The following DMD variants were observed in gnomAD, a reference collection of about 807,000 sequenced individuals.
DMD encodes dystrophin, also known as mutant dystrophin.
DMD carries 63 observed loss-of-function variants against 330.1 expected under a neutral mutation model. The ratio of observed to expected loss-of-function variants is 0.19; its 90% CI spans 0.16 to 0.24. DMD has a LOEUF of 0.24. DMD is among the 10% of genes least tolerant of loss of function. The pLI is 1.00. For synonymous variants in DMD, 1,223 were observed against 959.8 expected, an observed-to-expected ratio of 1.27 and a Z score of -5.07; for missense variants, 3,344 against 2,684.1, an observed-to-expected ratio of 1.25 and a Z score of -5.43.
At chrX:31,363,333 G>C (rs1381257869) in intron 60 of DMD, among the ~76,000 whole-genome samples, 2 of 106,160 alleles carry the variant, frequency 1.9e-5, no homozygotes, top group Admixed American at 1.0e-4. Flanking sequence ...ATCAACAAAA[G>C]GTTTCCGTGG....
At chrX:32,330,947 T>C (rs1056946489) in intron 41 of DMD, among the ~76,000 whole-genome samples, 3 of 111,547 alleles carry the variant, frequency 2.7e-5, no homozygotes, top group Non-Finnish European at 5.7e-5. Flanking sequence ...CCACGATCAC[T>C]ACCCCCATCA....
intron 2 of DMD, among the ~76,000 whole-genome samples, chrX:33,012,491 T>G (rs16990825): frequency 0.061 from 6,859 of 111,822 alleles, 329 homozygotes; most frequent in African/African-American, 0.16. Context: ...ATAACTCTAC[T>G]GCAAACTAAG....
chrX:32,564,837 TG>T (rs1302550893), intron 16 of DMD, among the ~76,000 whole-genome samples: 1 of 111,640 alleles, frequency 9.0e-6, no homozygotes, highest in Non-Finnish European at 1.9e-5. Flanking sequence ...TCCATGTACT[TG>T]TCTCAATATA....
At chrX:32,414,321 T>G (rs1245921858) in intron 29 of DMD, among the ~76,000 whole-genome samples, 1 of 112,145 alleles carries the variant, frequency 8.9e-6, no homozygotes, top group Admixed American at 9.5e-5. Context: ...CTTTGAATTT[T>G]GTATTTTTTT....
chrX:32,836,527 T>G (rs1396720471), intron 4 of DMD, among the ~76,000 whole-genome samples: 1 of 111,346 alleles, frequency 9.0e-6, no homozygotes, highest in Non-Finnish European at 1.9e-5. Flanking sequence ...TTTTATCTAG[T>G]GTTTCTTCTA....
chrX:31,358,484 C>T (rs959099960), intron 60 of DMD, among the ~76,000 whole-genome samples: 2 of 112,011 alleles, frequency 1.8e-5, no homozygotes, highest in African/African-American at 6.5e-5. Flanking sequence ...GAAATCAACA[C>T]AGTACAGTGT....
chrX:32,737,680 G>T (rs1413383098), intron 7 of DMD, among the ~76,000 whole-genome samples: 4 of 111,822 alleles, frequency 3.6e-5, no homozygotes, highest in Non-Finnish European at 5.6e-5. Context: ...CACTAAATCA[G>T]TTGATGCTGA....
chrX:33,162,949 C>G (rs1001485349), intron 1 of DMD, among the ~76,000 whole-genome samples: 1 of 111,138 alleles, frequency 9.0e-6, no homozygotes, highest in Admixed American at 9.6e-5. Context: ...GGTCTAGAAA[C>G]AGCATAAACT....
chrX:32,383,236 C>A (rs898011211), intron 33 of DMD, among the ~76,000 whole-genome samples: 4 of 110,706 alleles, frequency 3.6e-5, no homozygotes, highest in South Asian at 7.5e-4. Context: ...TGATCTTGCA[C>A]TCCCAGACTC....
At chrX:32,100,663 C>T (rs1201938012) in intron 44 of DMD, among the ~76,000 whole-genome samples, 3 of 110,697 alleles carry the variant, frequency 2.7e-5, no homozygotes, top group South Asian at 3.8e-4. Flanking sequence ...GGTTTTTCTT[C>T]GCCTCCTCTT....
intron 44 of DMD, among the ~76,000 whole-genome samples, chrX:31,994,017 C>T (rs1224798323): frequency 9.0e-6 from 1 of 111,098 alleles, no homozygotes; most frequent in Non-Finnish European, 1.9e-5. Flanking sequence ...GCACTAGAGA[C>T]CCAACTCGAC....
At chrX:32,137,683 A>G (rs1242628751) in intron 44 of DMD, among the ~76,000 whole-genome samples, 1 of 110,310 alleles carries the variant, frequency 9.1e-6, no homozygotes, top group African/African-American at 3.3e-5. Flanking sequence ...GGTATGTTGC[A>G]TGATGAAAAG....
chrX:31,264,324 C>T (rs1332498847), intron 62 of DMD, among the ~76,000 whole-genome samples: 2 of 111,791 alleles, frequency 1.8e-5, no homozygotes, highest in South Asian at 3.8e-4. Context: ...CTGCATTTCA[C>T]TCTCCACATC....
At position 31,457,306 on chromosome X, in the gene DMD, C is replaced by T. The variant is rs745313976; in HGVS notation, c.8938-12679G>A. On this transcript the variant is annotated intron_variant, in intron 59 of 78. Transcript: ENST00000357033. The stretch of plus-strand genomic sequence containing the variant: ...AAATAATTTTTAAGGGTCACGCTAT[C>T]TAAAAGATAGCATTTTGCCCTATGC... Among the ~76,000 whole-genome samples, 3 of 111,362 alleles carry T rather than the reference C, an allele frequency of 2.7e-5. No individual in the cohort carries two copies. In the South Asian group the frequency reaches 1.1e-3, roughly 42 times the overall value.
chrX:32,774,922 C>T (rs1245553394), intron 7 of DMD, among the ~76,000 whole-genome samples: 2 of 112,197 alleles, frequency 1.8e-5, no homozygotes, highest in East Asian at 2.8e-4. Flanking sequence ...AAGGCAAGTT[C>T]TCTCTGCCTA....
chrX:32,976,513 T>C (rs1288921828), intron 2 of DMD, among the ~76,000 whole-genome samples: 5 of 112,011 alleles, frequency 4.5e-5, no homozygotes, highest in African/African-American at 1.6e-4. Flanking sequence ...TGCACTGCAT[T>C]TTCCAAGAAT....
At chrX:32,606,506 T>A (rs752479368) in intron 12 of DMD, among the ~76,000 whole-genome samples, 1 of 109,710 alleles carries the variant, frequency 9.1e-6, no homozygotes, top group South Asian at 3.9e-4. Context: ...TGGAGATTTC[T>A]CAAAGAACTT....
chrX:32,557,757 G>C (rs1236333847), intron 16 of DMD, among the ~76,000 whole-genome samples: 3 of 111,125 alleles, frequency 2.7e-5, no homozygotes, highest in Non-Finnish European at 5.7e-5. Context: ...TTGGGCAAAA[G>C]ATCAGATGGT....
chrX:33,294,050 C>T (rs1007289686), intron 1 of DMD, among the ~76,000 whole-genome samples: 16 of 111,075 alleles, frequency 1.4e-4, no homozygotes, highest in African/African-American at 4.9e-4. Flanking sequence ...AAGAGAATCA[C>T]GTAGAAGAAG....
Sources: gnomAD v4.1 joint callset for allele counts (sites outside exome capture counted in the v4.1 genomes callset) on GRCh38, gnomAD v4.1.1 for gene constraint, MANE v1.5 for transcripts, NCBI Gene and HGNC (gene_info 2026-07-23, HGNC 2026-07-21) for gene names.